Variants in DDX19B observed in about 807,000 individuals in gnomAD.
DDX19B encodes the protein ATP-dependent RNA helicase DDX19B.
Under a neutral mutation model 58.1 loss-of-function variants are expected in DDX19B, and 27 were observed. That is an observed-to-expected ratio of 0.46 (90% CI 0.34 to 0.64). The LOEUF (loss-of-function observed/expected upper bound fraction) is 0.64. DDX19B is among the 30% of genes least tolerant of loss of function. The probability of loss-of-function intolerance (pLI) is 0.01; values close to 1 mark genes in which losing one functional copy is unlikely to be tolerated. For synonymous variants in DDX19B, 187 were observed against 214.4 expected, an observed-to-expected ratio of 0.87 and a Z score of 1.12; for missense variants, 399 against 596.5, an observed-to-expected ratio of 0.67 and a Z score of 3.45.
At chr16:70,326,060 G>A (rs1204923108) in intron 7 of DDX19B, among the ~76,000 whole-genome samples, 1 of 152,144 alleles carries the variant, frequency 6.6e-6, no homozygotes, top group African/African-American at 2.4e-5. Flanking sequence ...TCAAGTTAGC[G>A]TTTATACGTT....
chr16:70,294,574 A>G (rs1414585574), upstream of DDX19B, among the ~76,000 whole-genome samples: 1 of 152,224 alleles, frequency 6.6e-6, no homozygotes, highest in East Asian at 1.9e-4. Flanking sequence ...ACTATGTGTT[A>G]GTCACTGAGG....
chr16:70,329,156 G>A (rs1369604999), intron 7 of DDX19B, 136 bp from the exon 8 acceptor site: 1 of 1,190,898 alleles, frequency 8.4e-7, no homozygotes, highest in East Asian at 2.6e-5. Context: ...CTGGGCGGCA[G>A]AGGTTGCAGT....
intron 8 of DDX19B, 152 bp from the exon 9 acceptor site, chr16:70,329,679 C>T (rs1963377537): frequency 1.6e-6 from 2 of 1,245,116 alleles, no homozygotes; most frequent in African/African-American, 1.5e-5. Context: ...CCCCCAACCC[C>T]TGTCCCCATC....
intron 1 of DDX19B, among the ~76,000 whole-genome samples, chr16:70,306,814 A>G (rs542205127): frequency 6.6e-6 from 1 of 152,162 alleles, no homozygotes; most frequent in Non-Finnish European, 1.5e-5. Context: ...ATCACAGTCA[A>G]TTTTAGAACA....
chr16:70,330,449 G>A (rs186553238), intron 9 of DDX19B, among the ~76,000 whole-genome samples: 2 of 152,186 alleles, frequency 1.3e-5, no homozygotes, highest in Admixed American at 6.5e-5. Flanking sequence ...TTAGCCGTGC[G>A]TGGTGGTGTG....
At position 70,321,272 on chromosome 16, in the gene DDX19B, T is replaced by C. The variant is rs187556248; in HGVS notation, c.390-3313T>C. Among the ~76,000 whole-genome samples, 215 of 152,248 alleles carry C rather than the reference T, an allele frequency of 1.4e-3. 1 individual carries two copies. Among genetic ancestry groups the C allele is most frequent in the Non-Finnish European group, 1.8e-3 (120 of 68,012 alleles). ...CCACTGCGCCCGGCCTTCAGGCTTT[T>C]TTTTGTTTTGTTTTGGGGTTTTCTT... On this transcript the variant is annotated intron_variant, in intron 5 of 11. Transcript: ENST00000288071.
upstream of DDX19B, among the ~76,000 whole-genome samples, chr16:70,291,021 GC>G: frequency 6.6e-6 from 1 of 152,252 alleles, no homozygotes; most frequent in Non-Finnish European, 1.5e-5. Context: ...TGCAAAAAGA[GC>G]ATCCTACACA....
intron 7 of DDX19B, 139 bp downstream of exon 7, chr16:70,325,827 C>A: frequency 1.4e-6 from 1 of 712,398 alleles, no homozygotes; most frequent in Non-Finnish European, 2.4e-6. Context: ...AACATTTTGC[C>A]ATATTTGCTT....
At chr16:70,314,021 A>C (rs1281835622) in intron 2 of DDX19B, among the ~76,000 whole-genome samples, 1 of 152,122 alleles carries the variant, frequency 6.6e-6, no homozygotes, top group African/African-American at 2.4e-5. Flanking sequence ...AAACAGTGGA[A>C]TCTCTTGAAC....
chr16:70,333,587 C>T lies in DDX19B; in HGVS notation c.*5C>T, dbSNP rs376017053. 8 of 1,614,020 alleles carry T rather than the reference C, an allele frequency of 5.0e-6. No individual in the cohort carries two copies. Among genetic ancestry groups the T allele is most frequent in the African/African-American group, 1.3e-5 (1 of 75,050 alleles). On this transcript the variant is annotated 3_prime_UTR_variant, in exon 12 of 12. Transcript: ENST00000288071. Reference sequence around the variant, plus strand: ...ATTGAGAAAATAGCCAACTGAGAAGCTCCACCAGCCACTGATGCCAGCCCT... The same window carrying T: ...ATTGAGAAAATAGCCAACTGAGAAGTTCCACCAGCCACTGATGCCAGCCCT...
upstream of DDX19B, among the ~76,000 whole-genome samples, chr16:70,291,811 AAAATAAATAAAT>A (rs780765226): frequency 1.3e-5 from 2 of 151,458 alleles, no homozygotes; most frequent in Non-Finnish European, 2.9e-5. Flanking sequence ...ACTTTGTCTC[AAAATAAATAAAT>A]AAATAAATAA....
chr16:70,320,837 G>A (rs948203426), intron 5 of DDX19B, among the ~76,000 whole-genome samples: 7 of 151,650 alleles, frequency 4.6e-5, no homozygotes, highest in Non-Finnish European at 7.4e-5. Flanking sequence ...GATTACAGGC[G>A]TGAGCCATCG....
At chr16:70,320,123 TC>T (rs1962686607) in intron 5 of DDX19B, among the ~76,000 whole-genome samples, 1 of 151,970 alleles carries the variant, frequency 6.6e-6, no homozygotes. Context: ...TTTTTTTTTT[TC>T]TGGGAGATAA....
intron 5 of DDX19B, among the ~76,000 whole-genome samples, chr16:70,319,991 T>G (rs1436739080): frequency 2.0e-5 from 3 of 152,320 alleles, no homozygotes; most frequent in Middle Eastern, 3.4e-3. Flanking sequence ...AGATGGATAG[T>G]GTCTTTTTTT....
upstream of DDX19B, chr16:70,294,770 C>T: frequency 8.2e-7 from 1 of 1,220,528 alleles, no homozygotes; most frequent in South Asian, 1.7e-5. Flanking sequence ...ATTTCCAGGC[C>T]TCAGCCAATG....
At position 70,333,547 on chromosome 16, in the gene DDX19B, G is replaced by A. The variant is rs1963594373; in HGVS notation, c.1405G>A (p.Asp469Asn). ...TAAGAAGATAGAAAGATTGGACACA[G>A]ATGATTTGGACGAGATTGAGAAAAT... ...FNKKIERLDT[D>N]DLDEIEKIAN is the part of the protein sequence containing the mutation. Residue 469 changes from aspartate to asparagine, a missense_variant, in exon 12 of 12, where the codon GAT becomes AAT. Coordinates refer to ENST00000288071, the MANE Select transcript of DDX19B (RefSeq NM_007242.7). 1 of 1,613,878 alleles carries A rather than the reference G, an allele frequency of 6.2e-7. No individual in the cohort carries two copies. Among genetic ancestry groups the A allele is most frequent in the African/African-American group, 1.3e-5 (1 of 74,926 alleles).
chr16:70,293,646 C>T (rs1229555552), upstream of DDX19B, among the ~76,000 whole-genome samples: 3 of 109,912 alleles, frequency 2.7e-5, no homozygotes, highest in South Asian at 2.5e-4. Context: ...GCTCTGTCGC[C>T]CAGGCCGGAC....
intron 3 of DDX19B, 150 bp from the exon 4 acceptor site, chr16:70,315,819 A>ATT (rs1962368123): frequency 7.1e-6 from 8 of 1,121,590 alleles, no homozygotes; most frequent in Non-Finnish European, 9.7e-6. Flanking sequence ...TAATAAAACT[A>ATT]TTTTAATTTA....
In DDX19B at chr16:70,326,921, G is replaced by C. The variant is rs539294479; in HGVS notation, c.607+1233G>C. 2.0e-5 allele frequency among the ~76,000 whole-genome samples: 3 copies of C among 151,922 alleles called. No individual in the cohort carries two copies. In the South Asian group the frequency reaches 6.2e-4, roughly 32 times the overall value. The stretch of plus-strand genomic sequence containing the variant: ...ACAGTCTTGGCTCACTGCAAGCTCT[G>C]CCTCTGGGGTTCACACCATTCTCCT... On this transcript the variant is annotated intron_variant, in intron 7 of 11. Transcript: ENST00000288071.
Sources: gnomAD v4.1 joint callset for allele counts (sites outside exome capture counted in the v4.1 genomes callset) on GRCh38, gnomAD v4.1.1 for gene constraint, MANE v1.5 for transcripts, NCBI Gene and HGNC (gene_info 2026-07-23, HGNC 2026-07-21) for gene names.